ATP5F1C: variants seen among roughly 807,000 people sequenced by gnomAD.
ATP5F1C encodes the protein ATP synthase F1 subunit gamma.
In ATP5F1C, 22 loss-of-function variants were observed where a neutral mutation model predicts 37.4. That is an observed-to-expected ratio of 0.59 (90% confidence interval 0.42 to 0.84). The LOEUF (loss-of-function observed/expected upper bound fraction) is 0.84. Among genes scored for constraint, ATP5F1C ranks in the 40% least tolerant of loss-of-function variants. ATP5F1C has a pLI of 0.00. For missense variants in ATP5F1C, 286 were observed against 362.4 expected (o/e 0.79, Z 1.71); for synonymous variants, 121 against 128.0 (o/e 0.95, Z 0.37).
chr10:7,800,227 T>G, intron 6 of ATP5F1C, 136 bp downstream of exon 6: 1 of 925,494 alleles, frequency 1.1e-6, no homozygotes, highest in Non-Finnish European at 1.7e-6. Context: ...AGATGGAATC[T>G]TGCTGCCTCC....
chr10:7,807,725 T>G lies in ATP5F1C; in HGVS notation c.*97T>G, dbSNP rs4655. 4.5e-6 allele frequency: 7 copies of G among 1,559,086 alleles called. No homozygotes were observed. The East Asian group carries it at 1.6e-4, about 35-fold the overall frequency. On this transcript the variant is annotated 3_prime_UTR_variant, in exon 10 of 10. Transcript: ENST00000356708. ...TACTGCTGCCTTTGTCCGAAGAAAC[T>G]GTTCCTCCATTATTTGAATTACTGA...
chr10:7,802,357 T>A lies in ATP5F1C; in HGVS notation c.725T>A (p.Leu242Gln). The A allele has an allele frequency of 6.2e-7, 1 of 1,614,148 alleles. No homozygotes were observed. ...CTGGCCAACATCATCTACTACTCTC[T>A]GAAGGAGTCCACCACTAGTGAGCAG... is the stretch of plus-strand genomic sequence containing the variant. Reference protein sequence around the residue: ...YNLANIIYYSLKESTTSEQSA... With the variant: ...YNLANIIYYSQKESTTSEQSA... The change falls in exon 7 of 10, where the codon CTG becomes CAG. Residue 242 changes from leucine (L) to glutamine (Q), a missense_variant. Leu to Gln is a moderately radical substitution (Grantham distance 113, BLOSUM62 -2). Transcript: ENST00000356708.
chr10:7,796,068 T>C, intron 1 of ATP5F1C, 53 bp from the exon 2 acceptor site: 1 of 1,403,882 alleles, frequency 7.1e-7, no homozygotes, highest in Non-Finnish European at 9.8e-7. Flanking sequence ...TTTTCTTGTA[T>C]AATGGAACTA....
In ATP5F1C at chr10:7,796,930, T is replaced by G. The variant is rs2131063007; in HGVS notation, c.92-117T>G. The G allele has an allele frequency of 6.9e-6, 8 of 1,164,480 alleles. No homozygotes were observed. The South Asian group carries it at 1.1e-4, about 16-fold the overall frequency. The allele number at this position is 1,164,480 out of a possible 1,614,324, so 72.1% of individuals were successfully genotyped here. A position where few individuals can be genotyped will look rare whatever the true frequency, so the allele number is the denominator to read the frequency against. The stretch of plus-strand genomic sequence containing the variant: ...AAGACTGGTTTAGCATCGTGCTGTT[T>G]ATTGTTTATCTAAGCGCTCATTATT... On this transcript the variant is annotated intron_variant, in intron 2 of 9. Transcript: ENST00000356708.
At chr10:7,790,497 G>A (rs924719427) in intron 1 of ATP5F1C, among the ~76,000 whole-genome samples, 5 of 152,148 alleles carry the variant, frequency 3.3e-5, no homozygotes, top group Non-Finnish European at 7.3e-5. Context: ...ATTTCTTAGA[G>A]TTCAGTAGTC....
At position 7,799,890 on chromosome 10, in the gene ATP5F1C, G is replaced by A; in HGVS notation, c.547G>A (p.Gly183Ser). Reference protein sequence around the residue: ...LLNSGYEFDEGSIIFNKFRSV... With the variant: ...LLNSGYEFDESSIIFNKFRSV... ...AAATTCTGGATATGAATTTGATGAA[G>A]GCTCCATCATCTTTAATAAATTCAG... Residue 183 changes from glycine (G) to serine (S), a missense_variant, in exon 5 of 10, where the codon GGC becomes AGC. Transcript: ENST00000356708. 2 of 1,613,962 alleles carry A rather than the reference G, an allele frequency of 1.2e-6. No homozygotes were observed. Among genetic ancestry groups the A allele is most frequent in the Non-Finnish European group, 8.5e-7 (1 of 1,179,968 alleles).
chr10:7,799,380 TCTGTTTTCCTTCCC>T (rs1836307369), intron 4 of ATP5F1C, 186 bp downstream of exon 4: 2 of 598,492 alleles, frequency 3.3e-6, no homozygotes, highest in South Asian at 4.2e-5. Context: ...TTGGAACATT[TCTGTTTTCCTTCCC>T]CTGTTTTCTA....
chr10:7,798,624 G>A (rs776822503), intron 3 of ATP5F1C, among the ~76,000 whole-genome samples: 6 of 152,156 alleles, frequency 3.9e-5, no homozygotes, highest in African/African-American at 2.4e-5. Context: ...TCTTGATATC[G>A]TGACCTTGTG....
At chr10:7,799,692 G>T (rs1265881889) in intron 4 of ATP5F1C, 80 bp from the exon 5 acceptor site, 56 of 1,533,080 alleles carry the variant, frequency 3.7e-5, no homozygotes, top group Non-Finnish European at 4.9e-5. Flanking sequence ...TGGTGACAAT[G>T]TTTTCTCCTG....
intron 8 of ATP5F1C, chr10:7,804,264 A>C (rs1349938833): frequency 2.0e-6 from 1 of 511,620 alleles, no homozygotes; most frequent in Non-Finnish European, 3.9e-6. Context: ...GGAAAATAAC[A>C]AAATCCATTC....
intron 8 of ATP5F1C, among the ~76,000 whole-genome samples, chr10:7,805,861 T>C (rs1836469655): frequency 6.7e-6 from 1 of 149,852 alleles, no homozygotes; most frequent in East Asian, 2.0e-4. Flanking sequence ...CCGAAGCGAG[T>C]GGATTGCTTG....
chr10:7,800,475 A>G lies in ATP5F1C; in HGVS notation c.637+384A>G, dbSNP rs185960781. On this transcript the variant is annotated intron_variant, in intron 6 of 9. Coordinates refer to ENST00000356708, the MANE Select transcript of ATP5F1C (RefSeq NM_001001973.3). ...CTCCCAAAGTGCTGGGATTACAGGC[A>G]TGAGCCCAGCCTTTTATTTTTTTAT... 1.7e-4 allele frequency among the ~76,000 whole-genome samples: 26 copies of G among 150,444 alleles called. No homozygotes were observed. The East Asian group carries it at 4.3e-3, about 25-fold the overall frequency.
chr10:7,796,216 A>G lies in ATP5F1C; in HGVS notation c.91+61A>G, dbSNP rs1434509646. The G allele has an allele frequency of 4.9e-6, 7 of 1,416,522 alleles. No homozygotes were observed. In the East Asian group the frequency reaches 1.2e-4, roughly 24 times the overall value. 87.7% of individuals were successfully genotyped at this position (1,416,522 alleles called of 1,614,324 possible). Reference sequence around the variant, plus strand: ...AAAAACTAAATTTTGACAAATACAAATACTTTCAAAAATATACTGCTTTAG... The same window carrying G: ...AAAAACTAAATTTTGACAAATACAAGTACTTTCAAAAATATACTGCTTTAG... On this transcript the variant is annotated intron_variant, in intron 2 of 9. Transcript: ENST00000356708.
At chr10:7,796,922 G>A (rs912329907) in intron 2 of ATP5F1C, 125 bp from the exon 3 acceptor site, 2 of 1,076,064 alleles carry the variant, frequency 1.9e-6, no homozygotes, top group Non-Finnish European at 2.6e-6. Context: ...GTTTAGCATC[G>A]TGCTGTTTAT....
At position 7,800,213 on chromosome 10, in the gene ATP5F1C, T is replaced by C. The variant is rs193094774; in HGVS notation, c.637+122T>C. On this transcript the variant is annotated intron_variant, in intron 6 of 9. Transcript: ENST00000356708. ...AGCAAATGATTTGGGGCTGTTTCTTTTTTAGATGGAATCTTGCTGCCTCCC... is the reference window on the plus strand; with the variant it reads ...AGCAAATGATTTGGGGCTGTTTCTTCTTTAGATGGAATCTTGCTGCCTCCC... 611 of 1,049,154 alleles carry C rather than the reference T, an allele frequency of 5.8e-4. 1 individual carries two copies. Among genetic ancestry groups the C allele is most frequent in the Non-Finnish European group, 5.8e-5 (41 of 704,012 alleles). The allele number at this position is 1,049,154 out of a possible 1,614,324, so 65.0% of individuals were successfully genotyped here.
At chr10:7,802,654 T>C (rs923494538) in intron 7 of ATP5F1C, 104 bp from the exon 8 acceptor site, 15 of 1,265,252 alleles carry the variant, frequency 1.2e-5, no homozygotes, top group Non-Finnish European at 1.1e-6. Context: ...CCAATTTTGG[T>C]ATCCAAAAAT....
intron 1 of ATP5F1C, among the ~76,000 whole-genome samples, chr10:7,789,433 G>A (rs901018246): frequency 6.7e-6 from 1 of 149,228 alleles, no homozygotes; most frequent in African/African-American, 2.4e-5. Context: ...GCTTGGCCTT[G>A]GAAGTCAGAT....
chr10:7,803,111 T>C (rs982586701), intron 8 of ATP5F1C, among the ~76,000 whole-genome samples: 1 of 152,196 alleles, frequency 6.6e-6, no homozygotes, highest in Non-Finnish European at 1.5e-5. Flanking sequence ...GATAATTCAG[T>C]ATCATTTATG....
intron 1 of ATP5F1C, among the ~76,000 whole-genome samples, chr10:7,789,460 T>G (rs1011574867): frequency 3.9e-5 from 6 of 152,116 alleles, no homozygotes; most frequent in Admixed American, 6.6e-5. Context: ...TTCTCTAATA[T>G]GGAAAAAGAA....
Sources: allele counts gnomAD v4.1 joint callset (sites outside exome capture counted in the v4.1 genomes callset), GRCh38; gene constraint gnomAD v4.1.1; transcripts MANE v1.5; gene names NCBI Gene and HGNC (gene_info 2026-07-23, HGNC 2026-07-21).